The following PAPPA2 variants were observed in gnomAD, a reference collection of about 807,000 sequenced individuals.
The protein encoded by PAPPA2 is pappalysin-2.
In PAPPA2, 86 loss-of-function variants were observed where a neutral mutation model predicts 176.4. The ratio of observed to expected loss-of-function variants is 0.49; its 90% CI spans 0.41 to 0.58. The LOEUF (loss-of-function observed/expected upper bound fraction) is 0.58. Ranked by LOEUF, PAPPA2 falls within the 20% of genes least tolerant of loss-of-function variation. PAPPA2 has a pLI of 0.00. For missense variants in PAPPA2, 2,073 were observed against 2,256.9 expected (o/e 0.92, Z 1.65); for synonymous variants, 809 against 852.2 (o/e 0.95, Z 0.88).
intron 21 of PAPPA2, among the ~76,000 whole-genome samples, chr1:176,801,155 A>G (rs892609586): frequency 6.6e-6 from 1 of 151,992 alleles, no homozygotes; most frequent in African/African-American, 2.4e-5. Context: ...AAGAATAGCC[A>G]GTGACAAGTA....
intron 2 of PAPPA2, among the ~76,000 whole-genome samples, chr1:176,574,286 C>T (rs1333141357): frequency 3.9e-5 from 6 of 151,918 alleles, no homozygotes; most frequent in Non-Finnish European, 7.4e-5. Flanking sequence ...TTTACATGTG[C>T]GAATTAATTT....
In PAPPA2 at chr1:176,556,948, G is replaced by C. The variant is rs772624285; in HGVS notation, c.626G>C (p.Gly209Ala). The stretch of plus-strand genomic sequence containing the variant: ...GTGTGGAAGAGGCGGGCGGAAGATG[G>C]GCAGGGAGACTCCGGTATCTCTTCA... The part of the protein sequence containing the change: ...RQVWKRRAED[G>A]QGDSGISSHF... Residue 209 changes from glycine to alanine, a missense_variant, in exon 2 of 23, where the codon GGG becomes GCG. Physicochemically the swap from Gly to Ala is moderately conservative, Grantham distance 60 (BLOSUM62 0). This residue lies in a region of PAPPA2 where 1,196 missense variants were observed against 1,330.4 expected (regional missense o/e 0.90). Coordinates refer to ENST00000367662, the MANE Select transcript of PAPPA2 (RefSeq NM_020318.3). The C allele has an allele frequency of 1.2e-6, 2 of 1,614,058 alleles. No individual in the cohort carries two copies. The highest frequency in any genetic ancestry group is 1.7e-6 in the Non-Finnish European group (2 of 1,179,992).
At chr1:176,727,059 A>T (rs1387002572) in intron 12 of PAPPA2, among the ~76,000 whole-genome samples, 1 of 152,228 alleles carries the variant, frequency 6.6e-6, no homozygotes, top group East Asian at 1.9e-4. Context: ...CTAGAATAAA[A>T]ATACACATAT....
At chr1:176,623,096 A>G (rs564471019) in intron 3 of PAPPA2, among the ~76,000 whole-genome samples, 21 of 152,314 alleles carry the variant, frequency 1.4e-4, no homozygotes, top group African/African-American at 4.8e-4. Flanking sequence ...TTAGATTTCA[A>G]CACAGGAAAT....
intron 3 of PAPPA2, among the ~76,000 whole-genome samples, chr1:176,663,306 A>G (rs891389479): frequency 3.3e-5 from 5 of 152,150 alleles, no homozygotes; most frequent in Non-Finnish European, 7.4e-5. Context: ...GCATTGTGGC[A>G]TTGCCTCCAT....
intron 3 of PAPPA2, among the ~76,000 whole-genome samples, chr1:176,613,326 GA>G (rs1317334036): frequency 6.6e-6 from 1 of 152,208 alleles, no homozygotes; most frequent in East Asian, 1.9e-4. Context: ...CAGAGTTACA[GA>G]ACTTCACTGC....
intron 1 of PAPPA2, among the ~76,000 whole-genome samples, chr1:176,533,912 C>T (rs1294974809): frequency 6.6e-6 from 1 of 152,162 alleles, no homozygotes; most frequent in Admixed American, 6.5e-5. Context: ...TGAACAGAGA[C>T]TTGCCATAGT....
Position 176,800,114 on chromosome 1 carries a change from C to T in PAPPA2, c.5184C>T (p.His1728=). The T allele has an allele frequency of 1.2e-6, 2 of 1,614,084 alleles. No individual in the cohort carries two copies. Among genetic ancestry groups the T allele is most frequent in the South Asian group, 2.2e-5 (2 of 91,076 alleles). Residue 1728 remains histidine (H), a synonymous_variant, in exon 21 of 23, where the codon CAC becomes CAT. Transcript: ENST00000367662. ...RQWHPDPVLV[H]CIQSCEPFQA... is the part of the protein sequence containing the mutation. ...GGCACCCAGACCCCGTCTTAGTCCA[C>T]TGCATCCAGTCATGTGAGGTAAGAT...
chr1:176,544,505 G>A (rs1284693110), intron 1 of PAPPA2, among the ~76,000 whole-genome samples: 1 of 152,118 alleles, frequency 6.6e-6, no homozygotes, highest in Non-Finnish European at 1.5e-5. Flanking sequence ...ATACTTTCGA[G>A]TAGGAAATCC....
intron 17 of PAPPA2, among the ~76,000 whole-genome samples, chr1:176,780,646 G>A (rs1664668366): frequency 6.6e-6 from 1 of 151,902 alleles, no homozygotes; most frequent in South Asian, 2.1e-4. Context: ...GGCAGTGTTG[G>A]CAGCTCTGTC....
At chr1:176,491,128 G>A (rs1430214966) in intron 1 of PAPPA2, among the ~76,000 whole-genome samples, 1 of 152,178 alleles carries the variant, frequency 6.6e-6, no homozygotes, top group Admixed American at 6.5e-5. Context: ...AGATAACTTT[G>A]TTCTTTGATC....
chr1:176,548,424 G>C lies in PAPPA2; in HGVS notation c.-916-6983G>C, dbSNP rs188683936. The stretch of plus-strand genomic sequence containing the variant: ...ACTGTTGGCTGGGCTACATTTCTTG[G>C]AGACATTGGACCCTCACTCAATAGA... On this transcript the variant is annotated intron_variant, in intron 1 of 22. Coordinates refer to ENST00000367662, the MANE Select transcript of PAPPA2 (RefSeq NM_020318.3). Among the ~76,000 whole-genome samples the C allele has an allele frequency of 2.9e-4, 44 of 152,226 alleles. No individual in the cohort carries two copies. The East Asian group carries it at 7.9e-3, about 27-fold the overall frequency.
chr1:176,521,404 A>G (rs1649208457), intron 1 of PAPPA2, among the ~76,000 whole-genome samples: 1 of 152,096 alleles, frequency 6.6e-6, no homozygotes, highest in African/African-American at 2.4e-5. Context: ...ATTAGCAGGA[A>G]ACCAAGTCTC....
At chr1:176,649,133 G>T (rs1657568927) in intron 3 of PAPPA2, among the ~76,000 whole-genome samples, 1 of 151,162 alleles carries the variant, frequency 6.6e-6, no homozygotes, top group Admixed American at 6.6e-5. Context: ...TTTGTTGAGG[G>T]TTTTTATTTC....
chr1:176,516,723 GA>G (rs1648936291), intron 1 of PAPPA2, among the ~76,000 whole-genome samples: 1 of 152,138 alleles, frequency 6.6e-6, no homozygotes, highest in East Asian at 1.9e-4. Flanking sequence ...AAAACTATAA[GA>G]AAGTCCAGAA....
chr1:176,709,176 T>G (rs1197960281), intron 10 of PAPPA2, among the ~76,000 whole-genome samples: 2 of 152,172 alleles, frequency 1.3e-5, no homozygotes, highest in Non-Finnish European at 2.9e-5. Context: ...TTCTTAGATA[T>G]TCATTTATCA....
At chr1:176,513,383 C>A (rs1181898821) in intron 1 of PAPPA2, among the ~76,000 whole-genome samples, 2 of 151,872 alleles carry the variant, frequency 1.3e-5, no homozygotes, top group African/African-American at 4.8e-5. Context: ...AACACAAGCA[C>A]AAAGCTTTTT....
chr1:176,477,875 T>C (rs1652213379), intron 1 of PAPPA2, among the ~76,000 whole-genome samples: 1 of 152,210 alleles, frequency 6.6e-6, no homozygotes, highest in Non-Finnish European at 1.5e-5. Flanking sequence ...AAAACATTGC[T>C]ATAAGGATCC....
intron 3 of PAPPA2, among the ~76,000 whole-genome samples, chr1:176,604,812 T>A (rs1324866739): frequency 6.6e-6 from 1 of 152,226 alleles, no homozygotes; most frequent in African/African-American, 2.4e-5. Flanking sequence ...TAAATATATA[T>A]CTGTATGTAG....
Sources: allele counts gnomAD v4.1 joint callset (sites outside exome capture counted in the v4.1 genomes callset), GRCh38; gene constraint gnomAD v4.1.1; regional missense constraint gnomAD v4.1.1; transcripts MANE v1.5; gene names NCBI Gene and HGNC (gene_info 2026-07-23, HGNC 2026-07-21).